The following ANAPC1 variants were observed in gnomAD, a reference collection of about 807,000 sequenced individuals.
ANAPC1 encodes anaphase-promoting complex subunit 1.
In ANAPC1, 36 loss-of-function variants were observed where a neutral mutation model predicts 208.0. The observed-to-expected ratio is 0.17, with a 90% CI of 0.13 to 0.23. The LOEUF (loss-of-function observed/expected upper bound fraction) is 0.23, where lower values mean the gene tolerates loss of function less well. Ranked by LOEUF, ANAPC1 falls within the 10% of genes least tolerant of loss-of-function variation. The probability of loss-of-function intolerance (pLI) is 1.00; values close to 1 mark genes in which losing one functional copy is unlikely to be tolerated. For missense variants in ANAPC1, 942 were observed against 2,011.6 expected (o/e 0.47, Z 10.17); for synonymous variants, 378 against 695.2 (o/e 0.54, Z 7.18).
At chr2:111,876,598 A>C (rs1162862848) in intron 3 of ANAPC1, among the ~76,000 whole-genome samples, 1 of 152,210 alleles carries the variant, frequency 6.6e-6, no homozygotes, top group Non-Finnish European at 1.5e-5. Context: ...TCACATCTAT[A>C]CTAACTATAT....
intron 14 of ANAPC1, among the ~76,000 whole-genome samples, chr2:111,848,685 A>G (rs6704920): frequency 0.58 from 87,157 of 150,346 alleles, 26,212 homozygotes; most frequent in South Asian, 0.69. Context: ...GCTGAGGCAG[A>G]AGAATCGCTT....
intron 7 of ANAPC1, among the ~76,000 whole-genome samples, chr2:111,866,612 T>C (rs1682429535): frequency 6.7e-6 from 1 of 149,492 alleles, no homozygotes; most frequent in African/African-American, 2.5e-5. Context: ...TAATCCCAGC[T>C]ACTAGGGAGG....
At position 111,769,387 on chromosome 2, in the gene ANAPC1, T is replaced by G. The variant is rs1352155647; in HGVS notation, c.5739A>C (p.Glu1913Asp). ...IGLEGSTSFA[E>D]LLFKFKQLKM... ...TTAGCTGCTTAAATTTGAAGAGCAG[T>G]TCAGCAAAGCTTGTGCTCCCTAAAA... Residue 1913 changes from glutamate (E) to aspartate (D), a missense_variant, in exon 48 of 48, where the codon GAA becomes GAC. Transcript: ENST00000341068. The G allele has an allele frequency of 6.3e-6, 9 of 1,438,058 alleles. No homozygotes were observed. In the South Asian group the frequency reaches 9.3e-5, roughly 15 times the overall value. 89.1% of individuals were successfully genotyped at this position (1,438,058 alleles called of 1,614,324 possible). A position where few individuals can be genotyped will look rare whatever the true frequency, so the allele number is the denominator to read the frequency against.
Position 111,876,830 on chromosome 2 carries a change from C to T in ANAPC1, c.375+1980G>A, listed in dbSNP as rs558130518. On this transcript the variant is annotated intron_variant, in intron 3 of 47. Transcript: ENST00000341068. ...GATTTCAGCATTTACAAAAATGAAA[C>T]TTAACATTAGTCAAAGCCTCCAAAA... 3.4e-4 allele frequency among the ~76,000 whole-genome samples: 49 copies of T among 144,804 alleles called. 1 individual carries two copies. Among genetic ancestry groups the T allele is most frequent in the African/African-American group, 1.1e-3 (43 of 39,844 alleles). 95.0% of individuals were successfully genotyped at this position (144,804 alleles called of 152,430 possible).
intron 13 of ANAPC1, among the ~76,000 whole-genome samples, chr2:111,856,107 C>T (rs1272084560): frequency 3.3e-5 from 5 of 151,946 alleles, no homozygotes; most frequent in Non-Finnish European, 4.4e-5. Context: ...TGGTGGCAGG[C>T]GCCTATAGTC....
chr2:111,833,424 T>C (rs3926710), intron 19 of ANAPC1, 113 bp from the exon 20 acceptor site: 5 of 1,341,932 alleles, frequency 3.7e-6, no homozygotes, highest in South Asian at 2.3e-5. Flanking sequence ...ATGAGAAAGA[T>C]AACCAAATCT....
intron 6 of ANAPC1, among the ~76,000 whole-genome samples, chr2:111,870,497 G>T (rs1682687335): frequency 6.6e-6 from 1 of 152,024 alleles, no homozygotes; most frequent in African/African-American, 2.4e-5. Context: ...ATGTTTGTTG[G>T]CCATTTGTGT....
At chr2:111,775,866 T>C (rs1676982742) in intron 46 of ANAPC1, among the ~76,000 whole-genome samples, 1 of 152,266 alleles carries the variant, frequency 6.6e-6, no homozygotes, top group Admixed American at 6.5e-5. Context: ...AAAATGACTA[T>C]CCAAAAAATT....
chr2:111,882,774 T>C (rs1573534885), intron 1 of ANAPC1, among the ~76,000 whole-genome samples: 1 of 151,666 alleles, frequency 6.6e-6, no homozygotes, highest in East Asian at 1.9e-4. Flanking sequence ...TGGATATAAT[T>C]ATGTCACAAA....
chr2:111,829,809 C>T (rs1355234992), intron 21 of ANAPC1, among the ~76,000 whole-genome samples: 3 of 152,106 alleles, frequency 2.0e-5, no homozygotes, highest in Non-Finnish European at 4.4e-5. Flanking sequence ...GTGGCTCACA[C>T]CTGTAATCCC....
chr2:111,856,062 C>T (rs1356876663), intron 13 of ANAPC1, among the ~76,000 whole-genome samples: 2 of 152,026 alleles, frequency 1.3e-5, no homozygotes, highest in Non-Finnish European at 2.9e-5. Context: ...GGTGAAACCC[C>T]GTCTCTACTA....
intron 30 of ANAPC1, 116 bp from the exon 31 acceptor site, chr2:111,803,955 G>GT (rs1312854650): frequency 5.3e-4 from 301 of 567,752 alleles, no homozygotes; most frequent in African/African-American, 3.8e-3. Context: ...TTTGGGTTTT[G>GT]TTTTTTTTAT....
Position 111,843,599 on chromosome 2 carries a change from A to T in ANAPC1, c.1853T>A (p.Val618Glu). The change falls in exon 17 of 48, where the codon GTA becomes GAA. Residue 618 changes from valine (V) to glutamate (E), a missense_variant and splice_region_variant. Transcript: ENST00000341068. ...TIPEIATSELVQTCLQAIKFI... is the reference protein window; with the variant it reads ...TIPEIATSELEQTCLQAIKFI... ...CTTAATTGCTTGCAAACACGTTTGT[A>T]CTATTAAAAGCAAAGATTAATTTTA... The T allele has an allele frequency of 6.2e-7, 1 of 1,607,262 alleles. No individual in the cohort carries two copies. The highest frequency in any genetic ancestry group is 8.5e-7 in the Non-Finnish European group (1 of 1,177,024).
At chr2:111,821,620 T>C (rs1679539003) in intron 25 of ANAPC1, 167 bp from the exon 26 acceptor site, 1 of 589,804 alleles carries the variant, frequency 1.7e-6, no homozygotes, top group Non-Finnish European at 3.0e-6. Flanking sequence ...GACTCTAATC[T>C]ACAAATCTTT....
intron 4 of ANAPC1, 64 bp from the exon 5 acceptor site, chr2:111,873,472 G>A (rs1682868292): frequency 6.4e-7 from 1 of 1,555,900 alleles, no homozygotes; most frequent in Non-Finnish European, 8.7e-7. Flanking sequence ...AATCCTAACA[G>A]CACAAATTAT....
chr2:111,829,087 G>A (rs1457216118), intron 21 of ANAPC1, among the ~76,000 whole-genome samples: 2 of 152,122 alleles, frequency 1.3e-5, no homozygotes, highest in Admixed American at 6.5e-5. Context: ...GGTGACTAAC[G>A]CCTGTAATCC....
At chr2:111,844,650 C>T (rs1338940372) in intron 16 of ANAPC1, among the ~76,000 whole-genome samples, 2 of 151,352 alleles carry the variant, frequency 1.3e-5, no homozygotes, top group Admixed American at 6.6e-5. Context: ...CTACATACTT[C>T]AGTAAATATA....
At chr2:111,824,296 G>T (rs1261517975) in intron 24 of ANAPC1, among the ~76,000 whole-genome samples, 6 of 134,252 alleles carry the variant, frequency 4.5e-5, no homozygotes, top group African/African-American at 1.6e-4. Flanking sequence ...CTTTAGATAA[G>T]ACTTCAAAAA....
At chr2:111,772,289 T>TA (rs1676783037) in intron 47 of ANAPC1, 52 bp downstream of exon 47, 1 of 1,613,344 alleles carries the variant, frequency 6.2e-7, no homozygotes, top group Non-Finnish European at 8.5e-7. Context: ...AACTAGAACA[T>TA]AAAGGGGTAG....
Sources: allele counts gnomAD v4.1 joint callset (sites outside exome capture counted in the v4.1 genomes callset), GRCh38; gene constraint gnomAD v4.1.1; transcripts MANE v1.5; gene names NCBI Gene and HGNC (gene_info 2026-07-23, HGNC 2026-07-21).